DNAH11: variants seen among roughly 807,000 people sequenced by gnomAD.
The protein encoded by DNAH11 is dynein axonemal heavy chain 11, also known as axonemal beta dynein heavy chain 11.
DNAH11 carries 442 observed loss-of-function variants against 526.0 expected under a neutral mutation model. The observed-to-expected ratio is 0.84, with a 90% confidence interval of 0.78 to 0.91. DNAH11 has a LOEUF of 0.91. DNAH11 is among the 40% of genes least tolerant of loss of function. DNAH11 has a pLI of 0.00. For missense variants in DNAH11, 6,989 were observed against 5,448.7 expected (o/e 1.28, Z -8.90); for synonymous variants, 2,461 against 1,935.9 (o/e 1.27, Z -7.12).
chr7:21,748,602 C>G lies in DNAH11; in HGVS notation c.8533C>G (p.Arg2845Gly), dbSNP rs121908854. 1.3e-3 allele frequency: 2,045 copies of G among 1,552,168 alleles called. 1 individual carries two copies. Among genetic ancestry groups the G allele is most frequent in the Middle Eastern group, 4.1e-3 (24 of 5,802 alleles). The change falls in exon 52 of 82, where the codon CGA (arginine) becomes GGA (glycine). Residue 2845 changes from arginine (R) to glycine (G), a missense_variant. Coordinates refer to ENST00000409508, the MANE Select transcript of DNAH11 (RefSeq NM_001277115.2). Reference protein sequence around the residue: ...QHVCRISRILRTPQGCALLVG... With the variant: ...QHVCRISRILGTPQGCALLVG... ...CAGGTGTCGCATCAGCCGGATCTTA[C>G]GAACCCCTCAGGGCTGTGCTCTCTT...
chr7:21,553,321 AGAGT>A (rs2128428427), intron 2 of DNAH11, among the ~76,000 whole-genome samples: 1 of 152,266 alleles, frequency 6.6e-6, no homozygotes, highest in Non-Finnish European at 1.5e-5. Context: ...GGAACATATA[AGAGT>A]GACCAGTTTG....
At position 21,868,935 on chromosome 7, in the gene DNAH11, G is replaced by A. The variant is rs774648747; in HGVS notation, c.11911G>A (p.Val3971Met). ...NVSLGQGQET[V>M]AEVALEKASK... is the part of the protein sequence containing the mutation. ...GTCTTTAGGACAAGGTCAGGAGACG[G>A]TGGCAGAAGTGGCCCTGGAGAAAGC... Residue 3971 changes from valine (V) to methionine (M), a missense_variant, in exon 73 of 82, where the codon GTG (valine) becomes ATG (methionine). Val to Met is a conservative substitution (Grantham distance 21, BLOSUM62 1). Coordinates refer to ENST00000409508, the MANE Select transcript of DNAH11 (RefSeq NM_001277115.2). 8 of 1,614,008 alleles carry A rather than the reference G, an allele frequency of 5.0e-6. No individual in the cohort carries two copies. The highest frequency in any genetic ancestry group is 6.8e-6 in the Non-Finnish European group (8 of 1,179,888).
chr7:21,885,178 A>AAAAAC (rs1784081956), intron 76 of DNAH11, among the ~76,000 whole-genome samples: 1 of 147,564 alleles, frequency 6.8e-6, no homozygotes, highest in Non-Finnish European at 1.5e-5. Context: ...CTATAAAAAA[A>AAAAAC]AAAAAAAAAA....
chr7:21,825,572 A>C (rs1489955421), intron 65 of DNAH11, among the ~76,000 whole-genome samples: 1 of 151,338 alleles, frequency 6.6e-6, no homozygotes, highest in Non-Finnish European at 1.5e-5. Context: ...TCCCACATTT[A>C]ATACTATTAG....
intron 45 of DNAH11, among the ~76,000 whole-genome samples, chr7:21,730,387 A>G (rs1469976855): frequency 2.0e-5 from 3 of 152,256 alleles, no homozygotes; most frequent in Admixed American, 2.0e-4. Flanking sequence ...AATAGTTTGC[A>G]TTTCAGATTA....
intron 45 of DNAH11, among the ~76,000 whole-genome samples, chr7:21,731,248 C>T (rs1201337949): frequency 6.6e-6 from 1 of 151,932 alleles, no homozygotes; most frequent in Non-Finnish European, 1.5e-5. Context: ...ACAATAAATA[C>T]ATACAATTTT....
At chr7:21,658,330 A>G (rs1033382114) in intron 29 of DNAH11, among the ~76,000 whole-genome samples, 19 of 152,144 alleles carry the variant, frequency 1.2e-4, no homozygotes, top group Admixed American at 2.6e-4. Context: ...TTTAGAGAAG[A>G]ATTTTCAGTA....
intron 72 of DNAH11, 109 bp from the exon 73 acceptor site, chr7:21,868,755 T>C (rs1783382895): frequency 2.9e-6 from 4 of 1,393,832 alleles, no homozygotes; most frequent in Admixed American, 2.2e-5. Flanking sequence ...GGAAAGTCAC[T>C]CAGAAGATGG....
At chr7:21,809,750 G>C (rs1450743216) in intron 63 of DNAH11, among the ~76,000 whole-genome samples, 3 of 151,800 alleles carry the variant, frequency 2.0e-5, no homozygotes, top group Non-Finnish European at 2.9e-5. Context: ...ATTTTTAGTA[G>C]AGATAGGGTT....
Position 21,868,914 on chromosome 7 carries a change from T to G in DNAH11, c.11890T>G (p.Leu3964Val). The G allele has an allele frequency of 6.2e-7, 1 of 1,613,964 alleles. No homozygotes were observed. The highest frequency in any genetic ancestry group is 8.5e-7 in the Non-Finnish European group (1 of 1,179,888). ...CTCTGGAAAATTCCACAATGTGTCT[T>G]TAGGACAAGGTCAGGAGACGGTGGC... ...IDSGKFHNVS[L>V]GQGQETVAEV... Residue 3964 changes from leucine to valine, a missense_variant, in exon 73 of 82, where the codon TTA becomes GTA. Physicochemically the swap from Leu to Val is conservative, Grantham distance 32. Transcript: ENST00000409508.
At chr7:21,697,234 A>C (rs548852880) in intron 35 of DNAH11, among the ~76,000 whole-genome samples, 6 of 152,168 alleles carry the variant, frequency 3.9e-5, no homozygotes, top group Admixed American at 6.5e-5. Flanking sequence ...AATTTTTTCA[A>C]ACGTTGCTGT....
At chr7:21,547,551 G>T (rs1782850947) in intron 2 of DNAH11, among the ~76,000 whole-genome samples, 1 of 152,058 alleles carries the variant, frequency 6.6e-6, no homozygotes, top group Admixed American at 6.6e-5. Flanking sequence ...AGTTTGCCTG[G>T]ACATATGCCC....
chr7:21,848,159 T>A (rs1165333671), intron 66 of DNAH11, among the ~76,000 whole-genome samples: 1 of 115,700 alleles, frequency 8.6e-6, no homozygotes, highest in African/African-American at 7.0e-5. Flanking sequence ...AGAGCGAGAC[T>A]CTGTTTCAAA....
At chr7:21,674,414 G>C (rs998248690) in intron 30 of DNAH11, among the ~76,000 whole-genome samples, 1 of 152,000 alleles carries the variant, frequency 6.6e-6, no homozygotes, top group Non-Finnish European at 1.5e-5. Flanking sequence ...AGGCTGGAGT[G>C]CAGTGGTGTG....
In DNAH11 at chr7:21,716,785, A is replaced by G. The variant is rs78701854; in HGVS notation, c.6984-990A>G. 6.4e-3 allele frequency among the ~76,000 whole-genome samples: 975 copies of G among 152,272 alleles called. 7 individuals are homozygous for G. Among genetic ancestry groups the G allele is most frequent in the African/African-American group, 0.022 (901 of 41,550 alleles). On this transcript the variant is annotated intron_variant, in intron 42 of 81. Coordinates refer to ENST00000409508, the MANE Select transcript of DNAH11 (RefSeq NM_001277115.2). The stretch of plus-strand genomic sequence containing the variant: ...TGCAATTGGACTTCTGCTGAAAACC[A>G]TTTCTCTTGGACCTGAAAAAGTTTT...
chr7:21,727,246 T>C (rs1370085595), intron 45 of DNAH11, among the ~76,000 whole-genome samples: 2 of 152,066 alleles, frequency 1.3e-5, no homozygotes, highest in African/African-American at 4.8e-5. Flanking sequence ...GCATCCTCTT[T>C]TTAAAAAATA....
At chr7:21,549,730 C>T (rs1455899246) in intron 2 of DNAH11, among the ~76,000 whole-genome samples, 2 of 152,182 alleles carry the variant, frequency 1.3e-5, no homozygotes, top group African/African-American at 4.8e-5. Context: ...TGGAGTTACC[C>T]ACCCCATGTT....
At chr7:21,825,997 A>C (rs1790277804) in intron 65 of DNAH11, among the ~76,000 whole-genome samples, 1 of 151,670 alleles carries the variant, frequency 6.6e-6, no homozygotes, top group African/African-American at 2.4e-5. Flanking sequence ...GGAATAATAG[A>C]CATTAGAGAC....
chr7:21,620,804 A>G (rs1331591834), intron 25 of DNAH11, among the ~76,000 whole-genome samples: 3 of 143,480 alleles, frequency 2.1e-5, no homozygotes, highest in Non-Finnish European at 4.5e-5. Context: ...TATGAGTGAG[A>G]ATATGCGGTG....
Sources: allele counts gnomAD v4.1 joint callset (sites outside exome capture counted in the v4.1 genomes callset), GRCh38; gene constraint gnomAD v4.1.1; transcripts MANE v1.5; gene names NCBI Gene and HGNC (gene_info 2026-07-23, HGNC 2026-07-21).